GNB4: variants seen among roughly 807,000 people sequenced by gnomAD.
The protein encoded by GNB4 is G protein subunit beta 4.
A neutral mutation model predicts 45.2 loss-of-function variants in GNB4; 28 were observed. The ratio of observed to expected loss-of-function variants is 0.62; its 90% CI spans 0.46 to 0.85. GNB4 has a LOEUF of 0.85. GNB4 is among the 40% of genes least tolerant of loss of function. The pLI, the probability that GNB4 is intolerant of heterozygous loss-of-function variation, is 0.00. For synonymous variants in GNB4, 132 were observed against 143.7 expected (o/e 0.92, Z 0.58); for missense variants, 321 against 425.4 (o/e 0.75, Z 2.16).
the GNB4 span, among the ~76,000 whole-genome samples, chr3:179,476,359 T>C: frequency 6.6e-6 from 1 of 152,198 alleles, no homozygotes; most frequent in East Asian, 1.9e-4. Flanking sequence ...GGCCTCCCAG[T>C]GTCTTGGGCA....
rs557087886 is a variant in GNB4 at position 179,430,804 on chromosome 3, C to T, written c.-42-4562G>A. On this transcript the variant is annotated intron_variant, in intron 1 of 9. Coordinates refer to ENST00000232564, the MANE Select transcript of GNB4 (RefSeq NM_021629.4). ...TCACCTTTTAAGTAATCTTATACTTCCAGTATATTCAATCTCTTACACTTT... is the reference window on the plus strand; with the variant it reads ...TCACCTTTTAAGTAATCTTATACTTTCAGTATATTCAATCTCTTACACTTT... Among the ~76,000 whole-genome samples the T allele has an allele frequency of 1.4e-3, 219 of 152,132 alleles. 1 individual carries two copies. The highest frequency in any genetic ancestry group is 5.1e-3 in the African/African-American group (212 of 41,498).
chr3:179,498,778 T>G, the GNB4 span, among the ~76,000 whole-genome samples: 3 of 148,856 alleles, frequency 2.0e-5, no homozygotes, highest in Non-Finnish European at 3.0e-5. Flanking sequence ...GCCTCTTTCT[T>G]TATTATATTT....
intron 9 of GNB4, 97 bp downstream of exon 9, chr3:179,405,093 A>G: frequency 1.2e-6 from 1 of 820,700 alleles, no homozygotes; most frequent in South Asian, 1.9e-5. Flanking sequence ...ACCACTTTCC[A>G]CAACTCCAAG....
At chr3:179,412,525 CT>C (rs1714681058) in intron 8 of GNB4, among the ~76,000 whole-genome samples, 3 of 151,996 alleles carry the variant, frequency 2.0e-5, no homozygotes, top group Admixed American at 6.6e-5. Flanking sequence ...CATCTAATAC[CT>C]AGTTTCATTT....
intron 1 of GNB4, among the ~76,000 whole-genome samples, chr3:179,436,341 G>C (rs1715448593): frequency 6.6e-6 from 1 of 152,264 alleles, no homozygotes; most frequent in East Asian, 1.9e-4. Context: ...GGTGAGCCGA[G>C]ATCATGCCAT....
At chr3:179,450,150 A>G (rs1715831507) in intron 1 of GNB4, among the ~76,000 whole-genome samples, 1 of 152,240 alleles carries the variant, frequency 6.6e-6, no homozygotes, top group Admixed American at 6.5e-5. Flanking sequence ...CTACAAACCA[A>G]AATGCAACAT....
chr3:179,451,211 ACCCGCCCCGC>A (rs1423855735), intron 1 of GNB4, 125 bp downstream of exon 1: 2 of 150,314 alleles, frequency 1.3e-5, no homozygotes, highest in African/African-American at 2.4e-5. Flanking sequence ...GCCCGGGGAG[ACCCGCCCCGC>A]CCCGCGCCGT....
At chr3:179,512,388 A>G in the GNB4 span, among the ~76,000 whole-genome samples, 1 of 152,230 alleles carries the variant, frequency 6.6e-6, no homozygotes, top group South Asian at 2.1e-4. Flanking sequence ...TTAGAATTAT[A>G]TATTCTTCAA....
chr3:179,435,159 A>C (rs1034068127), intron 1 of GNB4, among the ~76,000 whole-genome samples: 1 of 152,214 alleles, frequency 6.6e-6, no homozygotes, highest in Admixed American at 6.5e-5. Context: ...TCTGAAACCC[A>C]GGCTGTTTAC....
the GNB4 span, among the ~76,000 whole-genome samples, chr3:179,511,001 C>T: frequency 0.41 from 62,608 of 151,858 alleles, 14,021 homozygotes; most frequent in Admixed American, 0.49. Context: ...TCCCACCCCC[C>T]ACCTACACAG....
chr3:179,423,048 C>A (rs1014213730), intron 2 of GNB4, among the ~76,000 whole-genome samples: 2 of 152,154 alleles, frequency 1.3e-5, no homozygotes, highest in South Asian at 2.1e-4. Context: ...GCCTCAGCCT[C>A]CCAAAGTGCT....
the GNB4 span, among the ~76,000 whole-genome samples, chr3:179,526,880 C>A: frequency 6.6e-6 from 1 of 152,134 alleles, no homozygotes; most frequent in South Asian, 2.1e-4. Flanking sequence ...TTCTTTTTGG[C>A]ACCATTCCCA....
upstream of GNB4, among the ~76,000 whole-genome samples, chr3:179,451,752 G>A (rs538252967): frequency 5.9e-5 from 9 of 152,288 alleles, no homozygotes; most frequent in African/African-American, 2.2e-4. Context: ...TGGCGCCGGG[G>A]CACGCTGCTA....
In GNB4 at chr3:179,425,707, G is replaced by A. The variant is rs531315873; in HGVS notation, c.57+437C>T. On this transcript the variant is annotated intron_variant, in intron 2 of 9. Coordinates refer to ENST00000232564, the MANE Select transcript of GNB4 (RefSeq NM_021629.4). ...GCTGGTCTTGAACTCCTGACCTCAG[G>A]TGATCCACCTGCCTCAGCCTCCCAA... is the stretch of plus-strand genomic sequence containing the variant. Among the ~76,000 whole-genome samples the A allele has an allele frequency of 5.1e-4, 77 of 152,280 alleles. 1 individual carries two copies. The highest frequency in any genetic ancestry group is 1.7e-3 in the African/African-American group (71 of 41,546).
chr3:179,416,623 T>C lies in GNB4; in HGVS notation c.204-67A>G, dbSNP rs111961600. 4.5e-3 allele frequency: 4,032 copies of C among 898,122 alleles called. 125 individuals are homozygous for C. In the African/African-American group the frequency reaches 0.06, roughly 13 times the overall value. 55.6% of individuals were successfully genotyped at this position (898,122 alleles called of 1,614,324 possible). A position where few individuals can be genotyped will look rare whatever the true frequency, so the allele number is the denominator to read the frequency against. ...AAAAATAGCTTAAATTGGTTATGCATTGCATTAATGTAGAATAATTCAGAA... is the reference window on the plus strand; with the variant it reads ...AAAAATAGCTTAAATTGGTTATGCACTGCATTAATGTAGAATAATTCAGAA... On this transcript the variant is annotated intron_variant, in intron 4 of 9. Coordinates refer to ENST00000232564, the MANE Select transcript of GNB4 (RefSeq NM_021629.4).
chr3:179,434,925 TAAATA>T (rs1040655432), intron 1 of GNB4, among the ~76,000 whole-genome samples: 1 of 151,608 alleles, frequency 6.6e-6, no homozygotes, highest in Admixed American at 6.6e-5. Context: ...TAAAAATAAA[TAAATA>T]AAATAAGCAA....
chr3:179,485,722 C>T, the GNB4 span, among the ~76,000 whole-genome samples: 2 of 152,046 alleles, frequency 1.3e-5, no homozygotes, highest in Admixed American at 1.3e-4. Flanking sequence ...GGGTGGCTTA[C>T]TTGAGCTCAG....
intron 1 of GNB4, among the ~76,000 whole-genome samples, chr3:179,442,627 CT>C (rs560875216): frequency 7.3e-4 from 109 of 148,392 alleles, no homozygotes; most frequent in African/African-American, 1.8e-3. Context: ...TCCTATGTCA[CT>C]TTTTTTTTTA....
the GNB4 span, among the ~76,000 whole-genome samples, chr3:179,494,506 C>T: frequency 9.8e-6 from 1 of 102,056 alleles, no homozygotes; most frequent in Admixed American, 1.1e-4. Context: ...GACCCCATAT[C>T]AAAAAAAGAA....
Sources: gnomAD v4.1 joint callset for allele counts (sites outside exome capture counted in the v4.1 genomes callset) on GRCh38, gnomAD v4.1.1 for gene constraint, MANE v1.5 for transcripts, NCBI Gene and HGNC (gene_info 2026-07-23, HGNC 2026-07-21) for gene names.